The following USP25 variants were observed in gnomAD, a reference collection of about 807,000 sequenced individuals.
USP25 encodes the protein ubiquitin carboxyl-terminal hydrolase 25.
A neutral mutation model predicts 158.5 loss-of-function variants in USP25; 85 were observed. That is an observed-to-expected ratio of 0.54 (90% confidence interval 0.45 to 0.64). USP25 has a LOEUF of 0.64. Ranked by LOEUF, USP25 falls within the 30% of genes least tolerant of loss-of-function variation. The pLI, the probability that USP25 is intolerant of heterozygous loss-of-function variation, is 0.00. For synonymous variants in USP25, 464 were observed against 460.4 expected, an observed-to-expected ratio of 1.01 and a Z score of -0.10; for missense variants, 1,242 against 1,327.3, an observed-to-expected ratio of 0.94 and a Z score of 1.00.
At chr21:15,814,065 T>C (rs529596397) in intron 9 of USP25, among the ~76,000 whole-genome samples, 103 of 151,016 alleles carry the variant, frequency 6.8e-4, no homozygotes, top group African/African-American at 2.4e-3. Context: ...AGACTTATCA[T>C]TTATTAAAGG....
At chr21:15,855,765 C>T (rs1250128610) in intron 20 of USP25, among the ~76,000 whole-genome samples, 1 of 152,126 alleles carries the variant, frequency 6.6e-6, no homozygotes, top group Admixed American at 6.6e-5. Context: ...CCAACTAGGC[C>T]AAGAGGTAGA....
At chr21:15,871,754 T>C (rs1485285041) in intron 23 of USP25, among the ~76,000 whole-genome samples, 1 of 152,170 alleles carries the variant, frequency 6.6e-6, no homozygotes, top group Non-Finnish European at 1.5e-5. Flanking sequence ...AGAAAGTTAA[T>C]ATTCTAGTAT....
At chr21:15,782,763 A>C (rs909081967) in intron 4 of USP25, among the ~76,000 whole-genome samples, 1 of 152,198 alleles carries the variant, frequency 6.6e-6, no homozygotes, top group African/African-American at 2.4e-5. Context: ...ACCTCTTCCT[A>C]TGAAAGCTGC....
intron 23 of USP25, among the ~76,000 whole-genome samples, chr21:15,873,780 G>A (rs138128832): frequency 5.9e-5 from 9 of 152,030 alleles, no homozygotes; most frequent in South Asian, 2.1e-4. Context: ...GGTGTGAGCC[G>A]CCGCACCCGG....
At chr21:15,832,065 T>C (rs1320634175) in intron 16 of USP25, among the ~76,000 whole-genome samples, 1 of 152,224 alleles carries the variant, frequency 6.6e-6, no homozygotes, top group Non-Finnish European at 1.5e-5. Flanking sequence ...TGTTTGCATG[T>C]TCGTATATGT....
At chr21:15,809,581 A>C (rs1449866991) in intron 8 of USP25, among the ~76,000 whole-genome samples, 1 of 152,198 alleles carries the variant, frequency 6.6e-6, no homozygotes, top group Non-Finnish European at 1.5e-5. Context: ...CACTGTGGAA[A>C]ACAGTATGGG....
intron 1 of USP25, among the ~76,000 whole-genome samples, chr21:15,752,082 C>T (rs776938596): frequency 1.3e-5 from 2 of 152,108 alleles, no homozygotes; most frequent in African/African-American, 2.4e-5. Context: ...TACAGGCATG[C>T]GCCACCACGC....
chr21:15,807,302 A>G (rs2036440959), intron 7 of USP25, among the ~76,000 whole-genome samples: 2 of 152,192 alleles, frequency 1.3e-5, no homozygotes, highest in Non-Finnish European at 2.9e-5. Flanking sequence ...ATTGATTTCT[A>G]AGAAAGATAG....
At chr21:15,775,545 G>A (rs539144697) in intron 3 of USP25, among the ~76,000 whole-genome samples, 64 of 152,270 alleles carry the variant, frequency 4.2e-4, no homozygotes, top group African/African-American at 1.4e-3. Flanking sequence ...TGCAGCCCAG[G>A]AAACAGGAAG....
At position 15,765,849 on chromosome 21, in the gene USP25, A is replaced by C. The variant is rs1331972522; in HGVS notation, c.124-148A>C. On this transcript the variant is annotated intron_variant, in intron 2 of 25. Coordinates refer to ENST00000400183, the MANE Select transcript of USP25 (RefSeq NM_001283041.3). ...ATATAGTATACTTTATGTATGATGC[A>C]TTTACACTATAAAATTAGAATCACA... 4 of 650,798 alleles carry C rather than the reference A, an allele frequency of 6.1e-6. No homozygotes were observed. In the East Asian group the frequency reaches 9.0e-5, roughly 15 times the overall value. The allele number at this position is 650,798 out of a possible 1,614,324, so 40.3% of individuals were successfully genotyped here. A position where few individuals can be genotyped will look rare whatever the true frequency, so the allele number is the denominator to read the frequency against.
chr21:15,800,663 C>T (rs1448765242), intron 6 of USP25, among the ~76,000 whole-genome samples: 2 of 151,184 alleles, frequency 1.3e-5, no homozygotes, highest in African/African-American at 2.4e-5. Flanking sequence ...TTGTCATAAA[C>T]AATCTGTAGT....
chr21:15,831,220 G>T (rs78835267), intron 15 of USP25, among the ~76,000 whole-genome samples, 181 bp from the exon 16 acceptor site: 1 of 150,848 alleles, frequency 6.6e-6, no homozygotes, highest in East Asian at 1.9e-4. Flanking sequence ...TTCAGATTCC[G>T]TCTTTTTAAA....
intron 22 of USP25, among the ~76,000 whole-genome samples, chr21:15,869,723 T>A (rs1220912743): frequency 2.0e-5 from 3 of 152,194 alleles, no homozygotes; most frequent in African/African-American, 7.2e-5. Flanking sequence ...CATCAGTTGA[T>A]GTAGATATAA....
intron 6 of USP25, among the ~76,000 whole-genome samples, chr21:15,802,156 A>G (rs1219442486): frequency 2.0e-5 from 3 of 151,604 alleles, no homozygotes; most frequent in Non-Finnish European, 4.4e-5. Flanking sequence ...GTAAATAGCT[A>G]AAGCCTTATT....
At chr21:15,758,860 C>A (rs1335417995) in intron 1 of USP25, among the ~76,000 whole-genome samples, 1 of 152,076 alleles carries the variant, frequency 6.6e-6, no homozygotes, top group African/African-American at 2.4e-5. Context: ...GAAAAACCCG[C>A]CCCCATGATT....
chr21:15,756,992 T>C (rs564584674), intron 1 of USP25, among the ~76,000 whole-genome samples: 8 of 152,290 alleles, frequency 5.3e-5, no homozygotes, highest in Admixed American at 1.3e-4. Context: ...GAGAGGACCA[T>C]ATTTAGGACA....
chr21:15,774,491 T>C (rs1189826729), intron 3 of USP25, among the ~76,000 whole-genome samples: 1 of 151,356 alleles, frequency 6.6e-6, no homozygotes, highest in African/African-American at 2.4e-5. Context: ...CAGGCTCACT[T>C]TTTTTTTTCC....
At chr21:15,822,735 C>T (rs2037294814) in intron 10 of USP25, among the ~76,000 whole-genome samples, 1 of 151,932 alleles carries the variant, frequency 6.6e-6, no homozygotes. Flanking sequence ...CTCAAAAATT[C>T]TTGCCAGTTC....
chr21:15,748,444 C>T (rs1220965164), intron 1 of USP25, among the ~76,000 whole-genome samples: 2 of 145,586 alleles, frequency 1.4e-5, no homozygotes, highest in Non-Finnish European at 3.0e-5. Flanking sequence ...ATCCACCCAG[C>T]TACTTTTTAG....
Sources: gnomAD v4.1 joint callset for allele counts (sites outside exome capture counted in the v4.1 genomes callset) on GRCh38, gnomAD v4.1.1 for gene constraint, MANE v1.5 for transcripts, NCBI Gene and HGNC (gene_info 2026-07-23, HGNC 2026-07-21) for gene names.